Variants in EML6 observed in about 807,000 individuals in gnomAD.
EML6 encodes echinoderm microtubule-associated protein-like 6.
Under a neutral mutation model 240.1 loss-of-function variants are expected in EML6, and 154 were observed. That is an observed-to-expected ratio of 0.64 (90% CI 0.56 to 0.73). The LOEUF (loss-of-function observed/expected upper bound fraction) is 0.73, where lower values mean the gene tolerates loss of function less well. Among genes scored for constraint, EML6 ranks in the 30% least tolerant of loss-of-function variants. EML6 has a pLI of 0.00. For synonymous variants in EML6, 1,148 were observed against 899.0 expected (o/e 1.28, Z -4.95); for missense variants, 2,964 against 2,474.6 (o/e 1.20, Z -4.20).
rs1449731069 is a variant in EML6 at position 54,892,738 on chromosome 2, C to G, written c.2742+82C>G. ...AGTCTTAGGATGGCCCAAGAGGATG[C>G]CTGTATCTAAAACAGGCCTGTCTGA... On this transcript the variant is annotated intron_variant, in intron 19 of 41. Coordinates refer to ENST00000356458, the MANE Select transcript of EML6 (RefSeq NM_001039753.4). 7 of 1,081,280 alleles carry G rather than the reference C, an allele frequency of 6.5e-6. 1 individual carries two copies. In the South Asian group the frequency reaches 9.6e-5, roughly 15 times the overall value. 67.0% of individuals were successfully genotyped at this position (1,081,280 alleles called of 1,614,324 possible).
intron 26 of EML6, among the ~76,000 whole-genome samples, chr2:54,926,547 G>A (rs947740892): frequency 2.6e-5 from 4 of 152,260 alleles, no homozygotes; most frequent in Admixed American, 2.6e-4. Flanking sequence ...GGCTGTGCCA[G>A]GTCTTGAGGA....
intron 2 of EML6, among the ~76,000 whole-genome samples, chr2:54,796,939 C>T (rs1353443873): frequency 6.6e-6 from 1 of 151,730 alleles, no homozygotes; most frequent in Non-Finnish European, 1.5e-5. Context: ...CCGAGGTGGG[C>T]AATCTCGAGG....
chr2:54,940,278 T>C (rs1675362131), intron 28 of EML6, among the ~76,000 whole-genome samples: 1 of 152,200 alleles, frequency 6.6e-6, no homozygotes, highest in Non-Finnish European at 1.5e-5. Context: ...TTGAATGGGT[T>C]TATGAACTGA....
At chr2:54,755,496 A>G (rs868604224) in intron 2 of EML6, among the ~76,000 whole-genome samples, 25 of 152,280 alleles carry the variant, frequency 1.6e-4, no homozygotes, top group African/African-American at 5.5e-4. Flanking sequence ...TGAAAATGAT[A>G]TATCCCTCTA....
intron 10 of EML6, 62 bp downstream of exon 10, chr2:54,850,280 A>G: frequency 6.9e-7 from 1 of 1,439,524 alleles, no homozygotes; most frequent in Non-Finnish European, 9.5e-7. Context: ...GGTGAAGGAA[A>G]TACAGGACAA....
chr2:54,815,560 T>C (rs916911426), intron 3 of EML6, among the ~76,000 whole-genome samples: 1 of 152,214 alleles, frequency 6.6e-6, no homozygotes, highest in African/African-American at 2.4e-5. Flanking sequence ...TTTTTTTCTC[T>C]TGAATAAGCT....
At chr2:54,926,608 C>A (rs1282232520) in intron 26 of EML6, among the ~76,000 whole-genome samples, 2 of 152,248 alleles carry the variant, frequency 1.3e-5, no homozygotes, top group African/African-American at 4.8e-5. Flanking sequence ...CTGCCAGTGT[C>A]TTTCTCTTGA....
intron 17 of EML6, 79 bp downstream of exon 17, chr2:54,879,719 A>G: frequency 1.1e-6 from 1 of 874,372 alleles, no homozygotes; most frequent in Non-Finnish European, 1.8e-6. Context: ...TTTTCTGGTA[A>G]GATTTCATCT....
Position 54,903,191 on chromosome 2 carries a change from C to T in EML6, c.3272C>T (p.Ser1091Leu). ...RKEMISDIKF[S>L]KDTGKYLAVA... ...GAAATGATCTCTGATATTAAGTTTT[C>T]AAAAGGTGAAGATGACAGCAGATAC... is the stretch of plus-strand genomic sequence containing the variant. Residue 1091 changes from serine (S) to leucine (L), a missense_variant, in exon 23 of 42, where the codon TCA becomes TTA. Physicochemically the swap from Ser to Leu is moderately radical, Grantham distance 145. Coordinates refer to ENST00000356458, the MANE Select transcript of EML6 (RefSeq NM_001039753.4). 1 of 1,551,716 alleles carries T rather than the reference C, an allele frequency of 6.4e-7. No individual in the cohort carries two copies. Among genetic ancestry groups the T allele is most frequent in the Non-Finnish European group, 8.7e-7 (1 of 1,146,850 alleles).
intron 7 of EML6, among the ~76,000 whole-genome samples, chr2:54,832,576 G>T (rs1419752266): frequency 2.0e-5 from 3 of 152,232 alleles, no homozygotes; most frequent in Non-Finnish European, 4.4e-5. Flanking sequence ...TAATCAAGAT[G>T]TAAATAGCTT....
intron 2 of EML6, among the ~76,000 whole-genome samples, chr2:54,772,468 T>C (rs978992116): frequency 1.3e-5 from 2 of 152,228 alleles, no homozygotes; most frequent in Non-Finnish European, 2.9e-5. Flanking sequence ...TTAAATACTA[T>C]GGAATTAATT....
intron 2 of EML6, among the ~76,000 whole-genome samples, chr2:54,797,175 A>C (rs1055127639): frequency 7.1e-6 from 1 of 141,782 alleles, no homozygotes; most frequent in African/African-American, 2.5e-5. Context: ...AAAAAAAAAA[A>C]AAAAAAAAAA....
At chr2:54,846,344 TTACA>T (rs1669752007) in intron 8 of EML6, among the ~76,000 whole-genome samples, 1 of 152,020 alleles carries the variant, frequency 6.6e-6, no homozygotes, top group South Asian at 2.1e-4. Context: ...TTTTATATAT[TTACA>T]TACATATATA....
At chr2:54,819,914 G>T (rs868267960) in intron 4 of EML6, among the ~76,000 whole-genome samples, 7 of 152,122 alleles carry the variant, frequency 4.6e-5, no homozygotes, top group African/African-American at 1.7e-4. Flanking sequence ...AAATCCCTCT[G>T]CCTTACGTTT....
At chr2:54,879,679 C>G (rs764026418) in intron 17 of EML6, 39 bp downstream of exon 17, 1 of 1,211,672 alleles carries the variant, frequency 8.3e-7, no homozygotes, top group Admixed American at 2.0e-5. Flanking sequence ...CCTGCTGATA[C>G]CACGGTTCAG....
chr2:54,781,907 G>C (rs1041528180), intron 2 of EML6, among the ~76,000 whole-genome samples: 1 of 152,284 alleles, frequency 6.6e-6, no homozygotes, highest in East Asian at 1.9e-4. Flanking sequence ...GGACTCAAGT[G>C]ATCTGCCCAC....
At chr2:54,938,278 C>A (rs1399970558) in intron 28 of EML6, among the ~76,000 whole-genome samples, 3 of 152,084 alleles carry the variant, frequency 2.0e-5, no homozygotes, top group Admixed American at 6.6e-5. Flanking sequence ...TCACTCCAGC[C>A]TGGGCAACAA....
chr2:54,920,087 T>C (rs1262126972), intron 26 of EML6, among the ~76,000 whole-genome samples: 1 of 151,994 alleles, frequency 6.6e-6, no homozygotes, highest in African/African-American at 2.4e-5. Context: ...AATAAAGATC[T>C]CAAATAACCT....
chr2:54,898,963 A>G (rs915402997), intron 21 of EML6, among the ~76,000 whole-genome samples: 1 of 152,212 alleles, frequency 6.6e-6, no homozygotes, highest in African/African-American at 2.4e-5. Context: ...TTGTGATAAG[A>G]TACAGATACA....
Sources: allele counts gnomAD v4.1 joint callset (sites outside exome capture counted in the v4.1 genomes callset), GRCh38; gene constraint gnomAD v4.1.1; transcripts MANE v1.5; gene names NCBI Gene and HGNC (gene_info 2026-07-23, HGNC 2026-07-21).